The following FLNB variants were observed in gnomAD, a reference collection of about 807,000 sequenced individuals.
FLNB encodes filamin B.
A neutral mutation model predicts 250.6 loss-of-function variants in FLNB; 111 were observed. The ratio of observed to expected loss-of-function variants is 0.44; its 90% CI spans 0.38 to 0.52. FLNB has a LOEUF of 0.52. FLNB is among the 20% of genes least tolerant of loss of function. FLNB has a pLI of 0.00. For synonymous variants in FLNB, 1,302 were observed against 1,372.1 expected (o/e 0.95, Z 1.13); for missense variants, 2,869 against 3,447.8 (o/e 0.83, Z 4.20).
rs146146338 is a variant in FLNB at position 58,075,130 on chromosome 3, G to T, written c.293-1916G>T. On this transcript the variant is annotated intron_variant, in intron 1 of 45. Coordinates refer to ENST00000295956, the MANE Select transcript of FLNB (RefSeq NM_001457.4). ...CCATGCACCCCTTATCAGCATGTGA[G>T]TATGCTTTTCATGTGGTCGTGGTTG... is the stretch of plus-strand genomic sequence containing the variant. 7.8e-3 allele frequency among the ~76,000 whole-genome samples: 1,183 copies of T among 152,088 alleles called. 10 individuals are homozygous for T. Among genetic ancestry groups the T allele is most frequent in the Non-Finnish European group, 9.8e-3 (669 of 68,000 alleles).
rs191145168 is a variant in FLNB, at chr3:58,142,352, T to C, written c.5182-298T>C. On this transcript the variant is annotated intron_variant, in intron 30 of 45. Transcript: ENST00000295956. This position sits in a 1 kb window ranked among gnomAD's most constrained non-coding sequence, Gnocchi z 4.3. ...ACTAAACCTTTCCAGATGGAGCCTC[T>C]TGGGACTCATAGACATTGCTGTCTC... is the stretch of plus-strand genomic sequence containing the variant. 1.3e-3 allele frequency among the ~76,000 whole-genome samples: 191 copies of C among 152,368 alleles called. No homozygotes were observed. Among genetic ancestry groups the C allele is most frequent in the African/African-American group, 4.2e-3 (175 of 41,586 alleles).
intron 25 of FLNB, chr3:58,131,970 C>T (rs1422977606): frequency 1.3e-5 from 20 of 1,537,200 alleles, no homozygotes; most frequent in African/African-American, 2.7e-5. Context: ...CCTTGAAAGC[C>T]CTTTCAGAGT....
intron 28 of FLNB, among the ~76,000 whole-genome samples, chr3:58,137,724 G>A (rs376508576): frequency 5.1e-4 from 78 of 152,258 alleles, no homozygotes; most frequent in Middle Eastern, 6.8e-3. Context: ...CATCCTTCAG[G>A]GTTCAGCCAT....
At position 58,132,793 on chromosome 3, in the gene FLNB, C is replaced by T. The variant is rs1457500091; in HGVS notation, c.4391-15C>T. 1.2e-6 allele frequency: 2 copies of T among 1,614,016 alleles called. No individual in the cohort carries two copies. Among genetic ancestry groups the T allele is most frequent in the South Asian group, 2.2e-5 (2 of 91,078 alleles). ...AGGCCAGGCAGCTCCTTAAACCTCT[C>T]ATCTCTGTCCTCAGGCTTGGTGGAG... On this transcript the variant is annotated splice_polypyrimidine_tract_variant and intron_variant, in intron 25 of 45. Coordinates refer to ENST00000295956, the MANE Select transcript of FLNB (RefSeq NM_001457.4).
intron 1 of FLNB, among the ~76,000 whole-genome samples, chr3:58,067,811 G>A (rs968876761): frequency 2.6e-5 from 4 of 152,036 alleles, no homozygotes; most frequent in Admixed American, 2.0e-4. Flanking sequence ...CTCTGACCTC[G>A]TGATCCGCCC....
chr3:58,092,760 G>A (rs2097230244), intron 4 of FLNB, among the ~76,000 whole-genome samples: 1 of 152,162 alleles, frequency 6.6e-6, no homozygotes, highest in Non-Finnish European at 1.5e-5. Context: ...GTATATGAGA[G>A]CCACTGTTTT....
At chr3:58,089,389 A>T (rs1214278092) in intron 4 of FLNB, among the ~76,000 whole-genome samples, 1 of 151,974 alleles carries the variant, frequency 6.6e-6, no homozygotes, top group East Asian at 1.9e-4. Context: ...TACTAAAAAT[A>T]CAAAAAATTA....
At chr3:58,030,585 T>C (rs1576607366) in intron 1 of FLNB, among the ~76,000 whole-genome samples, 1 of 151,614 alleles carries the variant, frequency 6.6e-6, no homozygotes, top group East Asian at 2.0e-4. Context: ...ATCAGGAATC[T>C]AGGAGGGGCC....
intron 1 of FLNB, among the ~76,000 whole-genome samples, chr3:58,039,625 A>G (rs1284603927): frequency 1.3e-5 from 2 of 152,194 alleles, no homozygotes; most frequent in Non-Finnish European, 2.9e-5. Context: ...GAAGGAACAG[A>G]ACTAGCTTTT....
chr3:58,127,366 A>G (rs1361951098), intron 24 of FLNB, among the ~76,000 whole-genome samples: 1 of 151,684 alleles, frequency 6.6e-6, no homozygotes, highest in Admixed American at 6.6e-5. Context: ...TTTCTACCTT[A>G]TTTTGTGCTT....
At chr3:58,048,436 A>G (rs1180007719) in intron 1 of FLNB, among the ~76,000 whole-genome samples, 2 of 152,198 alleles carry the variant, frequency 1.3e-5, no homozygotes, top group Non-Finnish European at 2.9e-5. Context: ...AATGTTCCAC[A>G]TTCTAGGTCT....
At chr3:58,148,468 G>A (rs1378351998) in intron 35 of FLNB, 104 bp downstream of exon 35, 6 of 1,390,402 alleles carry the variant, frequency 4.3e-6, no homozygotes, top group Non-Finnish European at 6.0e-6. Flanking sequence ...GGAGTGTGAT[G>A]TGATAAACCT....
chr3:58,163,553 CA>C, intron 43 of FLNB: 1 of 575,300 alleles, frequency 1.7e-6, no homozygotes, highest in African/African-American at 1.9e-5. Context: ...TATCACACCT[CA>C]TTACTGTTAG....
intron 3 of FLNB, 87 bp from the exon 4 acceptor site, chr3:58,081,542 G>T: frequency 8.3e-7 from 1 of 1,212,106 alleles, no homozygotes; most frequent in South Asian, 1.2e-5. Context: ...AATATTTGTA[G>T]TGCTTGGTTT....
chr3:58,065,159 G>A (rs568888821), intron 1 of FLNB, among the ~76,000 whole-genome samples: 21 of 152,322 alleles, frequency 1.4e-4, no homozygotes, highest in African/African-American at 4.8e-4. Flanking sequence ...TGGTTCATAC[G>A]CTGCCTGTCC....
chr3:58,018,706 C>T (rs1186825080), intron 1 of FLNB, among the ~76,000 whole-genome samples: 2 of 151,906 alleles, frequency 1.3e-5, no homozygotes, highest in East Asian at 1.9e-4. Flanking sequence ...TTAGTAGAAA[C>T]GGGGTTTCAG....
chr3:58,115,223 G>A (rs1559703783), intron 18 of FLNB, among the ~76,000 whole-genome samples: 2 of 152,206 alleles, frequency 1.3e-5, no homozygotes, highest in Non-Finnish European at 2.9e-5. Context: ...GTTGGTGGGA[G>A]CCTTACTACT....
rs1033252725 is a variant in FLNB at position 58,156,053 on chromosome 3, G to T, written c.6866G>T (p.Arg2289Leu). ...PVIAPSDDAR[R>L]LTVMSLQESG... The stretch of plus-strand genomic sequence containing the variant: ...ATCGCACCCTCCGACGACGCCCGCC[G>T]CCTCACTGTTATGAGCCTTCAGGTG... Residue 2289 changes from arginine (R) to leucine (L), a missense_variant, in exon 41 of 46, where the codon CGC (arginine) becomes CTC (leucine). Coordinates refer to ENST00000295956, the MANE Select transcript of FLNB (RefSeq NM_001457.4). The T allele has an allele frequency of 6.2e-7, 1 of 1,613,902 alleles. No homozygotes were observed. Among genetic ancestry groups the T allele is most frequent in the South Asian group, 1.1e-5 (1 of 91,074 alleles).
chr3:58,137,700 T>TAGCTAAC (rs1385781687), intron 28 of FLNB, among the ~76,000 whole-genome samples: 2 of 152,200 alleles, frequency 1.3e-5, no homozygotes, highest in Non-Finnish European at 2.9e-5. Flanking sequence ...AAGTCTCCCT[T>TAGCTAAC]AGCTAACAGC....
Sources: allele counts gnomAD v4.1 joint callset (sites outside exome capture counted in the v4.1 genomes callset), GRCh38; gene constraint gnomAD v4.1.1; non-coding constraint Gnocchi (gnomAD v3.1); transcripts MANE v1.5; gene names NCBI Gene and HGNC (gene_info 2026-07-23, HGNC 2026-07-21).